Variants in AGBL1 observed in about 807,000 individuals in gnomAD.
The protein encoded by AGBL1 is AGBL carboxypeptidase 1, also known as cytosolic carboxypeptidase 4.
A neutral mutation model predicts 118.9 loss-of-function variants in AGBL1; 130 were observed. The ratio of observed to expected loss-of-function variants is 1.09; its 90% CI spans 0.95 to 1.26. The LOEUF (loss-of-function observed/expected upper bound fraction) is 1.26, where lower values mean the gene tolerates loss of function less well. Ranked by LOEUF, AGBL1 falls within the 50% of genes most tolerant of loss-of-function variation. AGBL1 has a pLI of 0.00. For synonymous variants in AGBL1, 555 were observed against 478.9 expected (o/e 1.16, Z -2.08); for missense variants, 1,584 against 1,298.1 (o/e 1.22, Z -3.38).
intron 17 of AGBL1, among the ~76,000 whole-genome samples, chr15:86,379,391 A>T (rs1461857648): frequency 1.3e-5 from 2 of 152,138 alleles, no homozygotes; most frequent in Non-Finnish European, 2.9e-5. Flanking sequence ...TTTTACAGAA[A>T]ACTTTTTAAA....
At chr15:86,494,767 A>AGT (rs960700518) in intron 18 of AGBL1, among the ~76,000 whole-genome samples, 2 of 152,102 alleles carry the variant, frequency 1.3e-5, no homozygotes, top group Non-Finnish European at 2.9e-5. Context: ...TTAAAAAATA[A>AGT]GTCTAGATAG....
chr15:86,173,584 T>C (rs2077443047), intron 5 of AGBL1, among the ~76,000 whole-genome samples: 1 of 152,172 alleles, frequency 6.6e-6, no homozygotes, highest in Admixed American at 6.6e-5. Flanking sequence ...GGGTTTTATA[T>C]TTAAGTCTTT....
chr15:86,524,137 T>A (rs1567039360), intron 19 of AGBL1, among the ~76,000 whole-genome samples: 1 of 152,224 alleles, frequency 6.6e-6, no homozygotes, highest in Admixed American at 6.5e-5. Flanking sequence ...TCAAAAGAGA[T>A]GAACAAGTAA....
chr15:86,159,204 T>C (rs527442826), intron 5 of AGBL1, among the ~76,000 whole-genome samples, 178 bp downstream of exon 5: 81 of 152,276 alleles, frequency 5.3e-4, no homozygotes, highest in African/African-American at 1.9e-3. Context: ...ATGAGTCATT[T>C]CCTCTAATTC....
intron 18 of AGBL1, among the ~76,000 whole-genome samples, chr15:86,503,008 C>T (rs886503553): frequency 2.6e-5 from 4 of 151,418 alleles, no homozygotes; most frequent in Non-Finnish European, 5.9e-5. Context: ...CTTCCTTAAA[C>T]GCTTGGTAGA....
intron 18 of AGBL1, among the ~76,000 whole-genome samples, chr15:86,517,507 C>T (rs984310450): frequency 6.6e-6 from 1 of 152,176 alleles, no homozygotes; most frequent in Non-Finnish European, 1.5e-5. Flanking sequence ...ACAAAGATGA[C>T]ATTTGAACCC....
intron 1 of AGBL1, among the ~76,000 whole-genome samples, chr15:86,086,918 T>C (rs1021410175): frequency 1.4e-4 from 22 of 152,220 alleles, no homozygotes; most frequent in African/African-American, 5.3e-4. Context: ...AGTGCTGCTT[T>C]GCACATTCCA....
At chr15:86,394,250 A>G (rs2081330702) in intron 17 of AGBL1, among the ~76,000 whole-genome samples, 1 of 152,140 alleles carries the variant, frequency 6.6e-6, no homozygotes, top group Non-Finnish European at 1.5e-5. Flanking sequence ...CTGATTGGGT[A>G]AACATGTCAT....
At chr15:86,875,751 G>A (rs1421277103) in intron 22 of AGBL1, among the ~76,000 whole-genome samples, 2 of 152,184 alleles carry the variant, frequency 1.3e-5, no homozygotes, top group East Asian at 3.9e-4. Context: ...TGAGAATGGG[G>A]TAGAGATCAA....
intron 17 of AGBL1, among the ~76,000 whole-genome samples, chr15:86,310,386 T>C (rs1444527300): frequency 6.6e-6 from 1 of 152,224 alleles, no homozygotes; most frequent in Non-Finnish European, 1.5e-5. Flanking sequence ...ATTTCATTGA[T>C]CCAAAGATTC....
At position 86,709,114 on chromosome 15, in the gene AGBL1, A is replaced by G. The variant is rs139448918; in HGVS notation, c.3158+34678A>G. Among the ~76,000 whole-genome samples the G allele has an allele frequency of 8.0e-3, 1,221 of 152,246 alleles. 46 individuals carry two copies. The highest frequency in any genetic ancestry group is 0.071 in the Admixed American group (1,088 of 15,264). ...CATTAATTCTTGTATTTATAATCCTATCTATGGTATTCCCTCTCCTGGAAA... is the reference window on the plus strand; with the variant it reads ...CATTAATTCTTGTATTTATAATCCTGTCTATGGTATTCCCTCTCCTGGAAA... On this transcript the variant is annotated intron_variant, in intron 22 of 22. Coordinates refer to ENST00000614907, the MANE Select transcript of AGBL1 (RefSeq NM_001386094.1).
intron 5 of AGBL1, among the ~76,000 whole-genome samples, chr15:86,162,323 A>T (rs2077278248): frequency 6.6e-6 from 1 of 152,180 alleles, no homozygotes; most frequent in African/African-American, 2.4e-5. Context: ...GTGTTGTGTC[A>T]TGATGACTCC....
At chr15:86,547,323 G>T (rs750396054) in intron 20 of AGBL1, among the ~76,000 whole-genome samples, 3 of 151,988 alleles carry the variant, frequency 2.0e-5, no homozygotes, top group Admixed American at 6.6e-5. Flanking sequence ...AATCTACCAT[G>T]GTCCAATCTT....
At chr15:86,507,344 A>G (rs1461683811) in intron 18 of AGBL1, among the ~76,000 whole-genome samples, 2 of 152,140 alleles carry the variant, frequency 1.3e-5, no homozygotes, top group Non-Finnish European at 2.9e-5. Context: ...TACTCAGACC[A>G]TAAAAATATG....
At chr15:86,846,533 C>A (rs2079321535) in intron 22 of AGBL1, among the ~76,000 whole-genome samples, 1 of 151,064 alleles carries the variant, frequency 6.6e-6, no homozygotes, top group Non-Finnish European at 1.5e-5. Context: ...TTTTGTTGTT[C>A]TTTGTTTGTT....
chr15:86,487,349 C>A (rs1355878553), intron 18 of AGBL1, among the ~76,000 whole-genome samples: 3 of 152,018 alleles, frequency 2.0e-5, no homozygotes, highest in Non-Finnish European at 2.9e-5. Flanking sequence ...TGAAGTGAAG[C>A]CCTAATCCTG....
intron 21 of AGBL1, among the ~76,000 whole-genome samples, chr15:86,599,907 A>G (rs1425192909): frequency 1.3e-5 from 2 of 152,140 alleles, no homozygotes; most frequent in African/African-American, 4.8e-5. Context: ...CTTGATGTAT[A>G]GAAGAATGTG....
chr15:86,282,983 G>A (rs1487101595), intron 16 of AGBL1, among the ~76,000 whole-genome samples: 1 of 152,122 alleles, frequency 6.6e-6, no homozygotes, highest in Admixed American at 6.5e-5. Context: ...TTATAATAAG[G>A]AAATTAGTAT....
chr15:86,710,853 C>T (rs1304100846), intron 22 of AGBL1, among the ~76,000 whole-genome samples: 1 of 152,134 alleles, frequency 6.6e-6, no homozygotes, highest in African/African-American at 2.4e-5. Flanking sequence ...TTAGCACTGC[C>T]AATTACTGAC....
Sources: allele counts gnomAD v4.1 joint callset (sites outside exome capture counted in the v4.1 genomes callset), GRCh38; gene constraint gnomAD v4.1.1; transcripts MANE v1.5; gene names NCBI Gene and HGNC (gene_info 2026-07-23, HGNC 2026-07-21).